The following SUSD1 variants were observed in gnomAD, a reference collection of about 807,000 sequenced individuals.
The protein encoded by SUSD1 is sushi domain-containing protein 1.
SUSD1 carries 65 observed loss-of-function variants against 86.9 expected under a neutral mutation model. The ratio of observed to expected loss-of-function variants is 0.75; its 90% CI spans 0.61 to 0.92. SUSD1 has a LOEUF of 0.92. Among genes scored for constraint, SUSD1 ranks in the 40% least tolerant of loss-of-function variants. SUSD1 has a pLI of 0.00. For missense variants in SUSD1, 850 were observed against 929.7 expected, an observed-to-expected ratio of 0.91 and a Z score of 1.11; for synonymous variants, 346 against 350.0, an observed-to-expected ratio of 0.99 and a Z score of 0.13.
At chr9:112,135,829 C>A (rs914964164) in intron 5 of SUSD1, among the ~76,000 whole-genome samples, 1 of 152,214 alleles carries the variant, frequency 6.6e-6, no homozygotes, top group Admixed American at 6.5e-5. Flanking sequence ...GGGCTTTATT[C>A]ATTATCCGAT....
chr9:112,134,104 A>G (rs1832153970), intron 5 of SUSD1, among the ~76,000 whole-genome samples: 1 of 152,266 alleles, frequency 6.6e-6, no homozygotes, highest in Non-Finnish European at 1.5e-5. Context: ...GAATGCTTAT[A>G]TGCTGTCGGT....
chr9:112,124,164 G>A (rs1298481082), intron 6 of SUSD1, 93 bp downstream of exon 6: 17 of 1,317,830 alleles, frequency 1.3e-5, no homozygotes, highest in Non-Finnish European at 1.6e-5. Context: ...GGTACAGTAT[G>A]TAGAGTGAAG....
intron 13 of SUSD1, among the ~76,000 whole-genome samples, chr9:112,061,870 G>A (rs1216672822): frequency 6.6e-6 from 1 of 151,812 alleles, no homozygotes; most frequent in Non-Finnish European, 1.5e-5. Context: ...GGCAATGTTG[G>A]TGAGGCCATG....
intron 11 of SUSD1, 36 bp from the exon 12 acceptor site, chr9:112,078,760 G>A (rs763727170): frequency 6.3e-7 from 1 of 1,582,244 alleles, no homozygotes; most frequent in South Asian, 1.1e-5. Context: ...TGAATGGTTG[G>A]CCTAAAAGGC....
rs997032092 is a variant in SUSD1 at position 112,140,361 on chromosome 9, T to TC, written c.706+1958dup. Among the ~76,000 whole-genome samples, 15 of 77,982 alleles carry TC rather than the reference T, an allele frequency of 1.9e-4. 6 individuals carry two copies. The highest frequency in any genetic ancestry group is 1.6e-3 in the African/African-American group (15 of 9,492). The allele number at this position is 77,982 out of a possible 152,430, so 51.2% of individuals were successfully genotyped here. ...TCCGGCCTGGGCGACAGAGCGAGACTCCGTCTCCAAAAAAAAAAAAAATAC... is the reference window on the plus strand; with the variant it reads ...TCCGGCCTGGGCGACAGAGCGAGACTCCCGTCTCCAAAAAAAAAAAAAATAC... On this transcript the variant is annotated intron_variant, in intron 5 of 16. Coordinates refer to ENST00000374270, the MANE Select transcript of SUSD1 (RefSeq NM_022486.5).
At chr9:112,056,749 A>C (rs1212641840) in intron 14 of SUSD1, among the ~76,000 whole-genome samples, 1 of 151,230 alleles carries the variant, frequency 6.6e-6, no homozygotes, top group Non-Finnish European at 1.5e-5. Context: ...ACAGGGTCTC[A>C]CTCTGTTGCC....
At chr9:112,068,307 C>T (rs1829082285) in intron 12 of SUSD1, among the ~76,000 whole-genome samples, 1 of 152,064 alleles carries the variant, frequency 6.6e-6, no homozygotes, top group African/African-American at 2.4e-5. Flanking sequence ...GAGTTCCTGG[C>T]TGAAAGGTTG....
At chr9:112,161,737 G>A (rs551182600) in intron 1 of SUSD1, among the ~76,000 whole-genome samples, 3 of 150,094 alleles carry the variant, frequency 2.0e-5, no homozygotes, top group African/African-American at 4.9e-5. Flanking sequence ...CAGGAGAATC[G>A]CTTGAACCCG....
In SUSD1 at chr9:112,058,489, G is replaced by T. The variant is rs1564252442; in HGVS notation, c.2048C>A (p.Ala683Glu). The part of the protein sequence containing the change: ...DRLYYGEYYN[A>E]PLKRGSDYCI... Reference sequence around the variant, plus strand: ...GTAATCACTCCCTCTTTTCAAGGGTGCATTATAATATTCCCCATAGTACAG... The same window carrying T: ...GTAATCACTCCCTCTTTTCAAGGGTTCATTATAATATTCCCCATAGTACAG... The change falls in exon 14 of 17, where the codon GCA becomes GAA. Residue 683 changes from alanine (A) to glutamate (E), a missense_variant. Physicochemically the swap from Ala to Glu is moderately radical, Grantham distance 107. Transcript: ENST00000374270. The T allele has an allele frequency of 1.9e-6, 3 of 1,614,022 alleles. No homozygotes were observed. Among genetic ancestry groups the T allele is most frequent in the Non-Finnish European group, 2.5e-6 (3 of 1,180,020 alleles).
chr9:112,139,130 G>T (rs978233732), intron 5 of SUSD1, among the ~76,000 whole-genome samples: 1 of 152,190 alleles, frequency 6.6e-6, no homozygotes, highest in Non-Finnish European at 1.5e-5. Context: ...GCCACATCCA[G>T]ATGGTTTTAT....
intron 12 of SUSD1, among the ~76,000 whole-genome samples, chr9:112,076,972 A>C (rs1156422303): frequency 3.9e-5 from 6 of 152,238 alleles, no homozygotes; most frequent in Non-Finnish European, 8.8e-5. Flanking sequence ...GGATGAGTGA[A>C]AGTGAGAACA....
intron 10 of SUSD1, among the ~76,000 whole-genome samples, chr9:112,093,892 G>C (rs1589645311): frequency 6.6e-6 from 1 of 152,286 alleles, no homozygotes; most frequent in East Asian, 1.9e-4. Context: ...TAAGACATAG[G>C]CTTTTTAGGC....
Position 112,052,428 on chromosome 9 carries a change from T to C in SUSD1, c.2120A>G (p.His707Arg). The change falls in exon 15 of 17, where the codon CAC (histidine) becomes CGC (arginine). Residue 707 changes from histidine to arginine, a missense_variant. Transcript: ENST00000374270. ...CACCTGAGCCCAAACTGCACAGGAG[T>C]GTCTTCTCACCTATAAAGGAAAACA... ...ITSEWNKVRR[H>R]SCAVWAQVKD... 1 of 1,613,936 alleles carries C rather than the reference T, an allele frequency of 6.2e-7. No homozygotes were observed. Among genetic ancestry groups the C allele is most frequent in the South Asian group, 1.1e-5 (1 of 91,084 alleles).
At chr9:112,129,072 A>G (rs946488472) in intron 5 of SUSD1, among the ~76,000 whole-genome samples, 2 of 152,216 alleles carry the variant, frequency 1.3e-5, no homozygotes, top group South Asian at 4.1e-4. Flanking sequence ...ATAAAAAAAG[A>G]GACATCAGCC....
Position 112,058,612 on chromosome 9 carries a change from A to T in SUSD1, c.1925T>A (p.Phe642Tyr). ...ATCAGCATCAGAGGCGTTGCTAAAG[A>T]AGGAGGAAGCGCCTTCAGAATCACA... ...FSCDSEGASS[F>Y]FSNASDADGY... The change falls in exon 14 of 17, where the codon TTC becomes TAC. Residue 642 changes from phenylalanine to tyrosine, a missense_variant. Transcript: ENST00000374270. The T allele has an allele frequency of 1.9e-6, 3 of 1,614,126 alleles. No homozygotes were observed. Among genetic ancestry groups the T allele is most frequent in the Non-Finnish European group, 2.5e-6 (3 of 1,180,020 alleles).
intron 15 of SUSD1, 153 bp from the exon 16 acceptor site, chr9:112,042,113 T>C: frequency 1.0e-5 from 16 of 1,541,620 alleles, no homozygotes; most frequent in Non-Finnish European, 1.4e-5. Flanking sequence ...GTGTGTCCCC[T>C]GAGTTGGCCC....
At position 112,058,581 on chromosome 9, in the gene SUSD1, G is replaced by A. The variant is rs773908311; in HGVS notation, c.1956C>T (p.Tyr652=). Residue 652 remains tyrosine (Y), a synonymous_variant, in exon 14 of 17, where the codon TAC becomes TAT. Transcript: ENST00000374270. The stretch of plus-strand genomic sequence containing the variant: ...CTTTGGCCAGTAGTTCTGCAGCCAC[G>A]TATCCATCAGCATCAGAGGCGTTGC... ...FFSNASDADG[Y]VAAELLAKDV... is the part of the protein sequence containing the mutation. The A allele has an allele frequency of 6.8e-6, 11 of 1,614,116 alleles. No homozygotes were observed. The highest frequency in any genetic ancestry group is 9.3e-6 in the Non-Finnish European group (11 of 1,179,998).
chr9:112,155,195 A>G (rs915852890), intron 2 of SUSD1, among the ~76,000 whole-genome samples: 9 of 151,696 alleles, frequency 5.9e-5, no homozygotes, highest in Admixed American at 1.3e-4. Context: ...AGGTTGCAGT[A>G]AGCCAAGATC....
chr9:112,055,927 C>T (rs908875071), intron 14 of SUSD1, among the ~76,000 whole-genome samples: 1 of 152,028 alleles, frequency 6.6e-6, no homozygotes, highest in Non-Finnish European at 1.5e-5. Context: ...ACTGAATGAT[C>T]CTACTTATAT....
Sources: allele counts gnomAD v4.1 joint callset (sites outside exome capture counted in the v4.1 genomes callset), GRCh38; gene constraint gnomAD v4.1.1; transcripts MANE v1.5; gene names NCBI Gene and HGNC (gene_info 2026-07-23, HGNC 2026-07-21).